The following MYO3A variants were observed in gnomAD, a reference collection of about 807,000 sequenced individuals.
MYO3A encodes myosin IIIA.
In MYO3A, 180 loss-of-function variants were observed where a neutral mutation model predicts 192.7. That is an observed-to-expected ratio of 0.93 (90% CI 0.83 to 1.06). MYO3A has a LOEUF of 1.06. MYO3A is among the 50% of genes least tolerant of loss of function. The probability of loss-of-function intolerance (pLI) is 0.00; values close to 1 mark genes in which losing one functional copy is unlikely to be tolerated. For synonymous variants in MYO3A, 628 were observed against 645.3 expected (o/e 0.97, Z 0.41); for missense variants, 1,896 against 1,905.0 (o/e 1.00, Z 0.09).
intron 2 of MYO3A, among the ~76,000 whole-genome samples, chr10:25,937,610 T>C (rs1836175871): frequency 6.6e-6 from 1 of 152,202 alleles, no homozygotes. Flanking sequence ...TAAAGTTTTT[T>C]GGAGGCTCAC....
chr10:25,942,604 CT>C (rs1450950992), intron 2 of MYO3A, among the ~76,000 whole-genome samples: 1 of 152,168 alleles, frequency 6.6e-6, no homozygotes. Context: ...ACTGAAATCG[CT>C]TTCTGGGTTT....
At chr10:26,059,947 C>A (rs1440702799) in intron 10 of MYO3A, among the ~76,000 whole-genome samples, 2 of 152,116 alleles carry the variant, frequency 1.3e-5, no homozygotes, top group Non-Finnish European at 2.9e-5. Context: ...AGTGGTGAAA[C>A]CTCATCTCTA....
chr10:26,061,234 C>G (rs61849336), intron 10 of MYO3A, among the ~76,000 whole-genome samples: 71,639 of 151,764 alleles, frequency 0.47, 17,722 homozygotes, highest in Middle Eastern at 0.59. Flanking sequence ...CGGCCGACAC[C>G]TTGTTTTTTG....
chr10:26,023,786 A>ATTTTTCTTTT (rs1842422647), intron 8 of MYO3A, among the ~76,000 whole-genome samples: 4 of 152,224 alleles, frequency 2.6e-5, no homozygotes, highest in Non-Finnish European at 5.9e-5. Flanking sequence ...AAAAGAAAAA[A>ATTTTTCTTTT]TAATAACAGT....
intron 14 of MYO3A, among the ~76,000 whole-genome samples, chr10:26,072,874 C>G (rs12254587): frequency 6.6e-6 from 1 of 151,868 alleles, no homozygotes; most frequent in Non-Finnish European, 1.5e-5. Context: ...CTTATTCACA[C>G]GAAATGAAAA....
chr10:26,176,985 A>G (rs1842367952), intron 31 of MYO3A, 140 bp downstream of exon 31: 1 of 971,722 alleles, frequency 1.0e-6, no homozygotes, highest in Admixed American at 2.2e-5. Flanking sequence ...CATTTCTTAT[A>G]TGGAGATACA....
chr10:26,108,688 G>A (rs1010974226), intron 17 of MYO3A, among the ~76,000 whole-genome samples: 16 of 152,144 alleles, frequency 1.1e-4, no homozygotes, highest in African/African-American at 3.6e-4. Context: ...GGGAAATTCT[G>A]CTCTTGGCAG....
chr10:26,030,505 A>T (rs1325518651), intron 10 of MYO3A, among the ~76,000 whole-genome samples: 1 of 152,168 alleles, frequency 6.6e-6, no homozygotes, highest in African/African-American at 2.4e-5. Context: ...AGTGTGAGAC[A>T]TACTCAGGCA....
intron 31 of MYO3A, among the ~76,000 whole-genome samples, chr10:26,178,552 CAAAA>C (rs764277960): frequency 9.8e-6 from 1 of 101,652 alleles, no homozygotes. Flanking sequence ...GACTCTGTCT[CAAAA>C]AAAAAAAAAG....
At chr10:26,067,150 A>C (rs1316634250) in intron 11 of MYO3A, 76 bp downstream of exon 11, 3 of 925,454 alleles carry the variant, frequency 3.2e-6, no homozygotes, top group East Asian at 2.5e-5. Context: ...GTATTGGTAG[A>C]AGGGGAAGGA....
intron 10 of MYO3A, among the ~76,000 whole-genome samples, chr10:26,042,299 G>A (rs895053707): frequency 2.0e-5 from 3 of 152,052 alleles, no homozygotes; most frequent in African/African-American, 7.2e-5. Flanking sequence ...TTGAGGTGGT[G>A]TTCTTCAGAT....
intron 17 of MYO3A, among the ~76,000 whole-genome samples, chr10:26,106,526 A>T (rs1837811655): frequency 6.6e-6 from 1 of 152,082 alleles, no homozygotes; most frequent in Non-Finnish European, 1.5e-5. Flanking sequence ...ATCATCTAAG[A>T]CTAGTCTAAG....
intron 10 of MYO3A, among the ~76,000 whole-genome samples, chr10:26,043,151 CTCTCTCT>C (rs1843446098): frequency 1.3e-5 from 1 of 79,534 alleles, no homozygotes; most frequent in Non-Finnish European, 3.4e-5. Flanking sequence ...CAAACAGAGT[CTCTCTCT>C]CTCTCTCTCT....
At chr10:26,136,020 A>G (rs1418157628) in intron 20 of MYO3A, among the ~76,000 whole-genome samples, 1 of 150,998 alleles carries the variant, frequency 6.6e-6, no homozygotes, top group Non-Finnish European at 1.5e-5. Flanking sequence ...TTTAAATTCT[A>G]CCTTCCCCGG....
At chr10:26,013,711 C>T (rs12265417) in intron 6 of MYO3A, among the ~76,000 whole-genome samples, 14,285 of 151,918 alleles carry the variant, frequency 0.094, 1,184 homozygotes, top group African/African-American at 0.21. Flanking sequence ...AGTATGGAGA[C>T]TCCTTAAAGA....
chr10:25,955,059 G>C, intron 4 of MYO3A, 51 bp downstream of exon 4: 1 of 1,593,564 alleles, frequency 6.3e-7, no homozygotes, highest in East Asian at 2.2e-5. Context: ...GTGTGGTTCT[G>C]AAATGACTTG....
At chr10:26,049,948 A>G (rs1843890180) in intron 10 of MYO3A, among the ~76,000 whole-genome samples, 5 of 152,002 alleles carry the variant, frequency 3.3e-5, no homozygotes, top group Admixed American at 3.3e-4. Flanking sequence ...TACTGGGATT[A>G]CAGGCATGAG....
chr10:26,040,786 AT>A (rs1294439692), intron 10 of MYO3A, among the ~76,000 whole-genome samples: 1 of 152,140 alleles, frequency 6.6e-6, no homozygotes, highest in Non-Finnish European at 1.5e-5. Context: ...TTTAAAAAAT[AT>A]TTTAAGACTT....
chr10:26,003,209 A>G (rs895954800), intron 6 of MYO3A, among the ~76,000 whole-genome samples: 7 of 152,214 alleles, frequency 4.6e-5, no homozygotes, highest in Non-Finnish European at 1.0e-4. Flanking sequence ...ATACTTCATA[A>G]TTCAGAAAAT....
Sources: allele counts gnomAD v4.1 joint callset (sites outside exome capture counted in the v4.1 genomes callset), GRCh38; gene constraint gnomAD v4.1.1; transcripts MANE v1.5; gene names NCBI Gene and HGNC (gene_info 2026-07-23, HGNC 2026-07-21).